The following ZNF266 variants were observed in gnomAD, a reference collection of about 807,000 sequenced individuals.
ZNF266 encodes zinc finger protein 266.
ZNF266 carries 16 observed loss-of-function variants against 16.4 expected under a neutral mutation model. The ratio of observed to expected loss-of-function variants is 0.98; its 90% CI spans 0.66 to 1.48. The LOEUF is 1.48. ZNF266 is among the 40% of genes most tolerant of loss of function. The probability of loss-of-function intolerance (pLI) is 0.00; values close to 1 mark genes in which losing one functional copy is unlikely to be tolerated. For synonymous variants in ZNF266, 262 were observed against 237.9 expected (o/e 1.10, Z -0.93); for missense variants, 738 against 689.1 (o/e 1.07, Z -0.79).
chr19:9,433,281 C>T (rs1195161416), intron 5 of ZNF266, among the ~76,000 whole-genome samples: 1 of 152,140 alleles, frequency 6.6e-6, no homozygotes, highest in East Asian at 1.9e-4. Context: ...TTTTTGGCAG[C>T]CCACATTGGC....
intron 7 of ZNF266, chr19:9,418,974 T>G (rs929495962): frequency 1.1e-5 from 2 of 174,854 alleles, no homozygotes; most frequent in African/African-American, 4.8e-5. Context: ...AAATAAAAAC[T>G]ATGCAGTTGG....
intron 10 of ZNF266, among the ~76,000 whole-genome samples, chr19:9,415,262 T>G (rs1445560725): frequency 3.3e-5 from 5 of 152,134 alleles, no homozygotes; most frequent in African/African-American, 1.2e-4. Context: ...GCCACTGCAT[T>G]CCAGCCTGGG....
Position 9,417,861 on chromosome 19 carries a change from C to G in ZNF266, c.283G>C (p.Glu95Gln), listed in dbSNP as rs1466310663. 3 of 1,614,112 alleles carry G rather than the reference C, an allele frequency of 1.9e-6. No homozygotes were observed. Among genetic ancestry groups the G allele is most frequent in the South Asian group, 2.2e-5 (2 of 91,082 alleles). ...TCACCTCTCTGCACTGTCCTAGACTCTTCTTGTTCCAGCCAAGAGATCAGA... is the reference window on the plus strand; with the variant it reads ...TCACCTCTCTGCACTGTCCTAGACTGTTCTTGTTCCAGCCAAGAGATCAGA... Reference protein sequence around the residue: ...PSLISWLEQEESRTVQRGDFQ... With the variant: ...PSLISWLEQEQSRTVQRGDFQ... Residue 95 changes from glutamate to glutamine, a missense_variant, in exon 9 of 11, where the codon GAG (glutamate) becomes CAG (glutamine). Glu to Gln is a conservative substitution (Grantham distance 29). Coordinates refer to ENST00000592904, the MANE Select transcript of ZNF266 (RefSeq NM_001370374.1).
At position 9,414,184 on chromosome 19, in the gene ZNF266, T is replaced by A. The variant is rs758630130; in HGVS notation, c.942A>T (p.Lys314Asn). 1 of 1,613,968 alleles carries A rather than the reference T, an allele frequency of 6.2e-7. No homozygotes were observed. The highest frequency in any genetic ancestry group is 1.1e-5 in the South Asian group (1 of 91,082). The change falls in exon 11 of 11, where the codon AAA becomes AAT. Residue 314 changes from lysine to asparagine, a missense_variant. Physicochemically the swap from Lys to Asn is moderately conservative, Grantham distance 94 (BLOSUM62 0). Transcript: ENST00000592904. The stretch of plus-strand genomic sequence containing the variant: ...TAAGTTGACAAGACCTGGTGAAGGC[T>A]TTCCCACACTCCTTACACTCATAGG... ...DNPYECKECG[K>N]AFTRSCQLTQ... is the part of the protein sequence containing the mutation.
At chr19:9,417,801 C>A (rs1050283229) in intron 9 of ZNF266, 27 bp downstream of exon 9, 2 of 1,595,362 alleles carry the variant, frequency 1.3e-6, no homozygotes, top group Middle Eastern at 1.7e-4. Context: ...AACTTATTGA[C>A]CAGGGCGGTC....
At chr19:9,431,960 T>C (rs1437717775) in intron 5 of ZNF266, among the ~76,000 whole-genome samples, 1 of 152,088 alleles carries the variant, frequency 6.6e-6, no homozygotes, top group East Asian at 1.9e-4. Flanking sequence ...TGGGTTTTGT[T>C]TTGTTTTGTT....
In ZNF266 at chr19:9,415,672, G is replaced by T. The variant is rs1013661828; in HGVS notation, c.387C>A (p.Thr129=). 1 of 1,612,534 alleles carries T rather than the reference G, an allele frequency of 6.2e-7. No homozygotes were observed. The highest frequency in any genetic ancestry group is 8.5e-7 in the Non-Finnish European group (1 of 1,178,862). The change falls in exon 10 of 11, where the codon ACC becomes ACA. Residue 129 remains threonine, a synonymous_variant. Coordinates refer to ENST00000592904, the MANE Select transcript of ZNF266 (RefSeq NM_001370374.1). ...ATCTTACCATTTGAATCCCACTGGA[G>T]GTTGGCTCCCCCAAAACATCCTGCT... ...ALQQDVLGEP[T]SSGIQMIGSH...
rs774878634 is a variant in ZNF266 at position 9,415,684 on chromosome 19, C to A, written c.375G>T (p.Leu125Phe). The A allele has an allele frequency of 2.5e-6, 4 of 1,613,178 alleles. No individual in the cohort carries two copies. The highest frequency in any genetic ancestry group is 2.7e-5 in the African/African-American group (2 of 75,016). Residue 125 changes from leucine (L) to phenylalanine (F), a missense_variant, in exon 10 of 11, where the codon TTG becomes TTT. Transcript: ENST00000592904. The stretch of plus-strand genomic sequence containing the variant: ...GAATCCCACTGGAGGTTGGCTCCCC[C>A]AAAACATCCTGCTGAAGGGCTAACT... Reference protein sequence around the residue: ...TKELALQQDVLGEPTSSGIQM... With the variant: ...TKELALQQDVFGEPTSSGIQM...
rs1413179420 is a variant in ZNF266, at chr19:9,435,541, T to C, written c.-815A>G. The C allele has an allele frequency of 1.3e-5, 2 of 151,956 alleles. No individual in the cohort carries two copies. Among genetic ancestry groups the C allele is most frequent in the Admixed American group, 6.5e-5 (1 of 15,276 alleles). The allele number at this position is 151,956 out of a possible 1,614,324, so 9.4% of individuals were successfully genotyped here. A position where few individuals can be genotyped will look rare whatever the true frequency, so the allele number is the denominator to read the frequency against. ...AACGCCACCAGGAAGAAAACGGGTT[T>C]GGCGGCGCGGAGAAAGCGCCGGAAA... On this transcript the variant is annotated 5_prime_UTR_variant, in exon 1 of 11. Transcript: ENST00000592904.
chr19:9,428,310 T>C (rs2071070363), intron 5 of ZNF266, among the ~76,000 whole-genome samples: 1 of 152,176 alleles, frequency 6.6e-6, no homozygotes, highest in Non-Finnish European at 1.5e-5. Context: ...GAAGCCAATC[T>C]CAGGCCCTTG....
chr19:9,428,144 A>G (rs765750277), intron 5 of ZNF266, among the ~76,000 whole-genome samples: 8 of 152,072 alleles, frequency 5.3e-5, no homozygotes, highest in Admixed American at 1.3e-4. Flanking sequence ...CACCAGTAAA[A>G]CAAGTGACTG....
intron 6 of ZNF266, 165 bp downstream of exon 6, chr19:9,419,900 C>CA (rs1218476753): frequency 0.074 from 5,558 of 74,852 alleles, 233 homozygotes; most frequent in African/African-American, 0.15. Context: ...GACTCTGTCT[C>CA]AAAAAAAAAA....
chr19:9,413,261 T>A lies in ZNF266; in HGVS notation c.*14A>T, dbSNP rs1568397030. The A allele has an allele frequency of 1.3e-6, 2 of 1,556,416 alleles. No homozygotes were observed. Among genetic ancestry groups the A allele is most frequent in the South Asian group, 2.5e-5 (2 of 80,016 alleles). Reference sequence around the variant, plus strand: ...CAGAGAGAACAGGGACACCTTTAGGTTTTCCCACATTCCTTATGCTGACAG... The same window carrying A: ...CAGAGAGAACAGGGACACCTTTAGGATTTCCCACATTCCTTATGCTGACAG... On this transcript the variant is annotated 3_prime_UTR_variant, in exon 11 of 11. Transcript: ENST00000592904.
At chr19:9,427,906 C>T (rs2071000971) in intron 5 of ZNF266, among the ~76,000 whole-genome samples, 2 of 152,062 alleles carry the variant, frequency 1.3e-5, no homozygotes. Flanking sequence ...GCAACATATG[C>T]CTGATTTACA....
chr19:9,413,997 GAGA>G lies in ZNF266; in HGVS notation c.1126_1128del (p.Ser376del). The G allele has an allele frequency of 1.9e-6, 3 of 1,614,126 alleles. No homozygotes were observed. Among genetic ancestry groups the G allele is most frequent in the Non-Finnish European group, 1.7e-6 (2 of 1,180,032 alleles). The stretch of plus-strand genomic sequence containing the variant: ...TGAGTTTTTAAATGTTCAGTAAGTT[GAGA>G]AGATCTAGTGAAGGCTATCCCACAT... On this transcript the variant is annotated inframe_deletion, in exon 11 of 11. Coordinates refer to ENST00000592904, the MANE Select transcript of ZNF266 (RefSeq NM_001370374.1).
chr19:9,416,450 G>A lies in ZNF266; in HGVS notation c.317-708C>T, dbSNP rs908518771. ...ACAATCTCGGCTCACTGCAACTTCC[G>A]CCTCCCAAGTTCAAGCGATTCTCCT... is the stretch of plus-strand genomic sequence containing the variant. On this transcript the variant is annotated intron_variant, in intron 9 of 10. Transcript: ENST00000592904. Among the ~76,000 whole-genome samples, 10 of 147,566 alleles carry A rather than the reference G, an allele frequency of 6.8e-5. No homozygotes were observed. The East Asian group carries it at 1.0e-3, about 15-fold the overall frequency.
At position 9,415,408 on chromosome 19, in the gene ZNF266, G is replaced by C. The variant is rs567605449; in HGVS notation, c.405+246C>G. Among the ~76,000 whole-genome samples the C allele has an allele frequency of 3.3e-5, 5 of 152,294 alleles. No homozygotes were observed. The East Asian group carries it at 9.6e-4, about 29-fold the overall frequency. On this transcript the variant is annotated intron_variant, in intron 10 of 10. Coordinates refer to ENST00000592904, the MANE Select transcript of ZNF266 (RefSeq NM_001370374.1). ...TTGGGAATGCTACTTATCTCAAAGA[G>C]CTCTCATTCTGCTAATTTTCTTTTT...
intron 7 of ZNF266, 98 bp downstream of exon 7, chr19:9,419,119 G>C: frequency 6.4e-6 from 1 of 155,884 alleles, no homozygotes; most frequent in Non-Finnish European, 1.4e-5. Context: ...GGCTTTATTT[G>C]CTTTAAGAAG....
intron 10 of ZNF266, among the ~76,000 whole-genome samples, chr19:9,415,263 C>T (rs1164016266): frequency 6.6e-6 from 1 of 152,146 alleles, no homozygotes; most frequent in African/African-American, 2.4e-5. Context: ...CCACTGCATT[C>T]CAGCCTGGGT....
Sources: gnomAD v4.1 joint callset for allele counts (sites outside exome capture counted in the v4.1 genomes callset) on GRCh38, gnomAD v4.1.1 for gene constraint, MANE v1.5 for transcripts, NCBI Gene and HGNC (gene_info 2026-07-23, HGNC 2026-07-21) for gene names.